Variants in FAM120B observed in about 807,000 individuals in gnomAD.
FAM120B encodes constitutive coactivator of peroxisome proliferator-activated receptor gamma.
A neutral mutation model predicts 96.3 loss-of-function variants in FAM120B; 83 were observed. That is an observed-to-expected ratio of 0.86 (90% CI 0.72 to 1.03). The LOEUF (loss-of-function observed/expected upper bound fraction) is 1.03, where lower values mean the gene tolerates loss of function less well. FAM120B is among the 50% of genes least tolerant of loss of function. The pLI, the probability that FAM120B is intolerant of heterozygous loss-of-function variation, is 0.00. For missense variants in FAM120B, 1,027 were observed against 1,121.2 expected (o/e 0.92, Z 1.20); for synonymous variants, 407 against 402.7 (o/e 1.01, Z -0.13).
Position 170,368,829 on chromosome 6 carries a change from G to GGC in FAM120B, c.2283+10512_2283+10513dup, listed in dbSNP as rs1554287970. ...TGCTGTCTGCCGGGGCTGGGGGGGG[G>GGC]GCTCCCTCCTGGCTTGCAGGCAGCC... is the stretch of plus-strand genomic sequence containing the variant. On this transcript the variant is annotated intron_variant, in intron 6 of 10. Transcript: ENST00000476287. Among the ~76,000 whole-genome samples the GGC allele has an allele frequency of 9.4e-5, 14 of 149,008 alleles. 1 individual carries two copies. The East Asian group carries it at 2.2e-3, about 23-fold the overall frequency.
intron 4 of FAM120B, among the ~76,000 whole-genome samples, chr6:170,346,310 T>C (rs1215973708): frequency 6.6e-6 from 1 of 152,158 alleles, no homozygotes; most frequent in Non-Finnish European, 1.5e-5. Flanking sequence ...AAATGTCTTA[T>C]TCACATTAAA....
upstream of FAM120B, among the ~76,000 whole-genome samples, chr6:170,291,238 G>A (rs1783862962): frequency 6.6e-6 from 1 of 151,578 alleles, no homozygotes; most frequent in Non-Finnish European, 1.5e-5. Context: ...CCCTGCTTCT[G>A]GAGCTGGTGC....
At chr6:170,359,019 A>G (rs1583260938) in intron 6 of FAM120B, among the ~76,000 whole-genome samples, 1 of 152,190 alleles carries the variant, frequency 6.6e-6, no homozygotes, top group East Asian at 1.9e-4. Context: ...TTATTGGTTT[A>G]TCCATAGCTG....
chr6:170,313,750 G>A (rs556408144), intron 1 of FAM120B, among the ~76,000 whole-genome samples: 7 of 152,296 alleles, frequency 4.6e-5, no homozygotes, highest in Admixed American at 2.6e-4. Context: ...TGTCTCTTAC[G>A]TGCCATTGCT....
intron 6 of FAM120B, among the ~76,000 whole-genome samples, chr6:170,358,773 C>T (rs1363316946): frequency 6.6e-6 from 1 of 152,192 alleles, no homozygotes; most frequent in Non-Finnish European, 1.5e-5. Context: ...GAGGGTACAC[C>T]TCAGCTGGGA....
chr6:170,331,551 A>G (rs1375773740), intron 4 of FAM120B, among the ~76,000 whole-genome samples: 1 of 152,210 alleles, frequency 6.6e-6, no homozygotes, highest in Non-Finnish European at 1.5e-5. Context: ...TTGTTTTTGC[A>G]GTAAGGAGCA....
At chr6:170,360,445 T>G (rs1180495273) in intron 6 of FAM120B, among the ~76,000 whole-genome samples, 2 of 152,168 alleles carry the variant, frequency 1.3e-5, no homozygotes, top group African/African-American at 4.8e-5. Context: ...TGACACCCTG[T>G]CCGGGGTTCT....
intron 9 of FAM120B, among the ~76,000 whole-genome samples, chr6:170,396,236 G>C (rs1322322132): frequency 6.6e-6 from 1 of 152,152 alleles, no homozygotes; most frequent in Non-Finnish European, 1.5e-5. Flanking sequence ...AAAATGTGTA[G>C]AGACTTCGCA....
chr6:170,295,283 A>C (rs1783969961), upstream of FAM120B: 1 of 647,388 alleles, frequency 1.5e-6, no homozygotes, highest in African/African-American at 1.9e-5. The surrounding 1 kb of genome is among the most constrained non-coding windows in gnomAD (Gnocchi z 7.8). Context: ...TCCCCTGCCC[A>C]GCCACGCCCA....
chr6:170,358,295 A>G lies in FAM120B; in HGVS notation c.2260A>G (p.Thr754Ala). ...AQALCLQGKS[T>A]SQLVNLQPDY... ...GGCCTTGTGCCTCCAAGGAAAATCC[A>G]CCTCGCAGCTTGTAAATCTACAGGT... Residue 754 changes from threonine (T) to alanine (A), a missense_variant, in exon 6 of 11, where the codon ACC becomes GCC. Thr to Ala is a moderately conservative substitution (Grantham distance 58). Coordinates refer to ENST00000476287, the MANE Select transcript of FAM120B (RefSeq NM_032448.3). The G allele has an allele frequency of 6.2e-7, 1 of 1,605,812 alleles. No individual in the cohort carries two copies. Among genetic ancestry groups the G allele is most frequent in the Non-Finnish European group, 8.5e-7 (1 of 1,174,598 alleles).
chr6:170,381,954 A>C (rs1233493874), intron 6 of FAM120B, among the ~76,000 whole-genome samples: 1 of 152,244 alleles, frequency 6.6e-6, no homozygotes, highest in African/African-American at 2.4e-5. Context: ...TATTAGGGAC[A>C]GAGATGTCTG....
chr6:170,346,233 G>A (rs987312636), intron 4 of FAM120B, among the ~76,000 whole-genome samples: 1 of 151,658 alleles, frequency 6.6e-6, no homozygotes, highest in African/African-American at 2.4e-5. Flanking sequence ...ATGAAACACA[G>A]GTAAAATCTT....
intron 6 of FAM120B, among the ~76,000 whole-genome samples, chr6:170,362,989 GA>G (rs1427556938): frequency 6.6e-6 from 1 of 152,086 alleles, no homozygotes; most frequent in Non-Finnish European, 1.5e-5. Context: ...TGGCAATGAT[GA>G]TTTTATAAAT....
intron 9 of FAM120B, among the ~76,000 whole-genome samples, chr6:170,402,980 G>A (rs1046027573): frequency 3.9e-5 from 6 of 152,108 alleles, no homozygotes; most frequent in African/African-American, 1.4e-4. Flanking sequence ...GTGGGTTTGG[G>A]GCCAGAAAGT....
intron 6 of FAM120B, among the ~76,000 whole-genome samples, chr6:170,380,230 C>G (rs1466806759): frequency 1.3e-5 from 2 of 151,408 alleles, no homozygotes; most frequent in East Asian, 3.9e-4. Context: ...CGAATATGTA[C>G]TGTTTTCTTT....
chr6:170,327,003 C>T (rs1785631557), intron 3 of FAM120B, among the ~76,000 whole-genome samples: 1 of 151,908 alleles, frequency 6.6e-6, no homozygotes, highest in Admixed American at 6.6e-5. Flanking sequence ...GTCAGCCTCC[C>T]AAAGTGTTGG....
intron 2 of FAM120B, among the ~76,000 whole-genome samples, chr6:170,319,537 G>A (rs999794851): frequency 8.5e-5 from 13 of 152,288 alleles, no homozygotes; most frequent in South Asian, 2.1e-4. Flanking sequence ...GCATGGTGGC[G>A]CACACATGTG....
At chr6:170,400,663 C>G (rs1778523453) in intron 9 of FAM120B, among the ~76,000 whole-genome samples, 1 of 152,208 alleles carries the variant, frequency 6.6e-6, no homozygotes, top group African/African-American at 2.4e-5. Context: ...CTTCCAAAAC[C>G]AAGTTTTTCC....
chr6:170,380,289 G>GT (rs1303417572), intron 6 of FAM120B, among the ~76,000 whole-genome samples: 1 of 152,022 alleles, frequency 6.6e-6, no homozygotes, highest in Non-Finnish European at 1.5e-5. Flanking sequence ...TGCTTTGGCT[G>GT]TTGTATAGAG....
Sources: gnomAD v4.1 joint callset for allele counts (sites outside exome capture counted in the v4.1 genomes callset) on GRCh38, gnomAD v4.1.1 for gene constraint, Gnocchi (gnomAD v3.1) non-coding constraint, MANE v1.5 for transcripts, NCBI Gene and HGNC (gene_info 2026-07-23, HGNC 2026-07-21) for gene names.